Variants in C17orf75 observed in about 807,000 individuals in gnomAD.
The protein encoded by C17orf75 is chromosome 17 open reading frame 75.
C17orf75 carries 32 observed loss-of-function variants against 49.6 expected under a neutral mutation model. That is an observed-to-expected ratio of 0.65 (90% CI 0.49 to 0.87). The LOEUF (loss-of-function observed/expected upper bound fraction) is 0.87. Among genes scored for constraint, C17orf75 ranks in the 40% least tolerant of loss-of-function variants. C17orf75 has a pLI of 0.00. For synonymous variants in C17orf75, 158 were observed against 159.5 expected, an observed-to-expected ratio of 0.99 and a Z score of 0.07; for missense variants, 428 against 473.9, an observed-to-expected ratio of 0.90 and a Z score of 0.90.
At chr17:32,348,984 T>C (rs959138843) in intron 1 of C17orf75, among the ~76,000 whole-genome samples, 3 of 150,852 alleles carry the variant, frequency 2.0e-5, no homozygotes, top group Non-Finnish European at 4.4e-5. Context: ...TCCTGCCTCA[T>C]TCTCCCGAGT....
upstream of C17orf75, among the ~76,000 whole-genome samples, chr17:32,342,647 A>C (rs1309692037): frequency 1.3e-5 from 2 of 152,260 alleles, no homozygotes; most frequent in Non-Finnish European, 2.9e-5. Flanking sequence ...CTACGTAAAA[A>C]CTAAAAGGCC....
upstream of C17orf75, among the ~76,000 whole-genome samples, chr17:32,346,238 A>G (rs1354571392): frequency 6.6e-6 from 1 of 151,940 alleles, no homozygotes; most frequent in Non-Finnish European, 1.5e-5. Flanking sequence ...TGGACAACAA[A>G]GCGAGACCTT....
chr17:32,331,213 C>G lies in C17orf75; in HGVS notation c.*550G>C, dbSNP rs901682401. 1 of 152,530 alleles carries G rather than the reference C, an allele frequency of 6.6e-6. No individual in the cohort carries two copies. The highest frequency in any genetic ancestry group is 6.5e-5 in the Admixed American group (1 of 15,306). The allele number at this position is 152,530 out of a possible 1,614,324, so 9.4% of individuals were successfully genotyped here. A position where few individuals can be genotyped will look rare whatever the true frequency, so the allele number is the denominator to read the frequency against. On this transcript the variant is annotated 3_prime_UTR_variant, in exon 10 of 10. Coordinates refer to ENST00000577809, the MANE Select transcript of C17orf75 (RefSeq NM_022344.4). ...TAAAGCTCATTTAATTTTCTACATACTCAGGATTTGCATATTGACTTAAAA... is the reference window on the plus strand; with the variant it reads ...TAAAGCTCATTTAATTTTCTACATAGTCAGGATTTGCATATTGACTTAAAA...
chr17:32,349,279 ACTC>A (rs776867130), intron 1 of C17orf75, among the ~76,000 whole-genome samples: 39 of 151,458 alleles, frequency 2.6e-4, no homozygotes, highest in Admixed American at 5.9e-4. Context: ...GCTCCCGTTG[ACTC>A]CTCAAGAAAC....
Position 32,335,567 on chromosome 17 carries a change from C to T in C17orf75, c.550-125G>A, listed in dbSNP as rs576105377. ...TAGACACCTCCCTTTTTAAAGCTAA[C>T]ACCACCAATTCAAAAAAAGAAATTG... On this transcript the variant is annotated intron_variant, in intron 5 of 9. Transcript: ENST00000577809. 144 of 1,187,036 alleles carry T rather than the reference C, an allele frequency of 1.2e-4. 1 individual carries two copies. In the South Asian group the frequency reaches 2.2e-3, roughly 18 times the overall value. 73.5% of individuals were successfully genotyped at this position (1,187,036 alleles called of 1,614,324 possible). A position where few individuals can be genotyped will look rare whatever the true frequency, so the allele number is the denominator to read the frequency against.
chr17:32,335,173 T>G lies in C17orf75; in HGVS notation c.669+150A>C, dbSNP rs1395275614. The G allele has an allele frequency of 1.4e-5, 13 of 961,432 alleles. No homozygotes were observed. The Admixed American group carries it at 3.3e-4, about 24-fold the overall frequency. The allele number at this position is 961,432 out of a possible 1,614,324, so 59.6% of individuals were successfully genotyped here. A position where few individuals can be genotyped will look rare whatever the true frequency, so the allele number is the denominator to read the frequency against. The stretch of plus-strand genomic sequence containing the variant: ...CCTTAGTAATATCACTTTCTAGATC[T>G]GAGAAAATAAAGTGTGGTCTATCTT... On this transcript the variant is annotated intron_variant, in intron 6 of 9. Transcript: ENST00000577809.
At chr17:32,341,709 C>A in intron 1 of C17orf75, 1 of 686,544 alleles carries the variant, frequency 1.5e-6, no homozygotes, top group South Asian at 5.1e-5. Flanking sequence ...GCATGCGGGG[C>A]ACTGCGCTAA....
At chr17:32,341,342 TG>T in intron 1 of C17orf75, 58 bp from the exon 2 acceptor site, 1 of 1,568,758 alleles carries the variant, frequency 6.4e-7, no homozygotes, top group East Asian at 2.2e-5. Flanking sequence ...AAGAGGAGTA[TG>T]GGGGCCTGGC....
chr17:32,344,108 C>T (rs144637557), upstream of C17orf75: 9,152 of 563,692 alleles, frequency 0.016, 98 homozygotes, highest in Middle Eastern at 0.024. Context: ...CCCATTTAAC[C>T]GCAAAATGGT....
rs376183930 is a variant in C17orf75 at position 32,337,870 on chromosome 17, T to C, written c.549+27A>G. Reference sequence around the variant, plus strand: ...CTGAGCCTGGCCCCATTTCAGTCTTTAAAAACCATTAAGTCAGTCACCTTA... The same window carrying C: ...CTGAGCCTGGCCCCATTTCAGTCTTCAAAAACCATTAAGTCAGTCACCTTA... On this transcript the variant is annotated intron_variant, in intron 5 of 9. Transcript: ENST00000577809. 8.2e-6 allele frequency: 13 copies of C among 1,590,642 alleles called. No individual in the cohort carries two copies. In the Admixed American group the frequency reaches 1.4e-4, roughly 17 times the overall value.
At chr17:32,333,557 T>C (rs755053651) in intron 8 of C17orf75, 37 bp from the exon 9 acceptor site, 13 of 1,513,054 alleles carry the variant, frequency 8.6e-6, no homozygotes, top group Non-Finnish European at 9.9e-6. Flanking sequence ...TAAAATGAAA[T>C]TTTACAAAGC....
upstream of C17orf75, chr17:32,342,179 G>A: frequency 1.3e-6 from 2 of 1,488,478 alleles, no homozygotes; most frequent in East Asian, 2.8e-5. Flanking sequence ...CCGCCAAACC[G>A]CTCCCCTGCT....
intron 9 of C17orf75, 68 bp from the exon 10 acceptor site, chr17:32,332,046 T>C (rs1359822949): frequency 2.3e-6 from 3 of 1,307,134 alleles, no homozygotes; most frequent in Non-Finnish European, 3.2e-6. Flanking sequence ...AAATAACTCC[T>C]ATCCAGCTGA....
chr17:32,332,015 G>T, intron 9 of C17orf75, 37 bp from the exon 10 acceptor site: 1 of 1,531,224 alleles, frequency 6.5e-7, no homozygotes, highest in South Asian at 1.2e-5. Context: ...TGTGTTAAGT[G>T]AAATAATAAT....
upstream of C17orf75, among the ~76,000 whole-genome samples, chr17:32,347,150 A>G (rs888829719): frequency 2.0e-5 from 3 of 152,106 alleles, no homozygotes; most frequent in African/African-American, 7.2e-5. Context: ...CAGTAGAGAC[A>G]GGATTTTGCC....
At chr17:32,333,726 C>A (rs909514673) in intron 8 of C17orf75, among the ~76,000 whole-genome samples, 1 of 152,148 alleles carries the variant, frequency 6.6e-6, no homozygotes, top group African/African-American at 2.4e-5. Context: ...GCCTCAGCCT[C>A]CCAAAGTGCT....
At chr17:32,342,627 A>T (rs959354594), upstream of C17orf75, among the ~76,000 whole-genome samples, 1 of 152,224 alleles carries the variant, frequency 6.6e-6, no homozygotes, top group African/African-American at 2.4e-5. Flanking sequence ...GAAAACGTTT[A>T]AAAAAATGAC....
upstream of C17orf75, among the ~76,000 whole-genome samples, chr17:32,346,344 CAGG>C (rs1290355451): frequency 6.6e-6 from 1 of 152,142 alleles, no homozygotes; most frequent in Non-Finnish European, 1.5e-5. Flanking sequence ...CCATTGAGCC[CAGG>C]AGATCAAGGC....
upstream of C17orf75, among the ~76,000 whole-genome samples, chr17:32,345,864 A>G (rs1214844332): frequency 6.6e-6 from 1 of 151,946 alleles, no homozygotes; most frequent in Non-Finnish European, 1.5e-5. Context: ...CCATTTCTCC[A>G]AGGACCTCAG....
Sources: allele counts gnomAD v4.1 joint callset (sites outside exome capture counted in the v4.1 genomes callset), GRCh38; gene constraint gnomAD v4.1.1; transcripts MANE v1.5; gene names NCBI Gene and HGNC (gene_info 2026-07-23, HGNC 2026-07-21).